STRN: variants seen among roughly 807,000 people sequenced by gnomAD.
STRN encodes the protein protein phosphatase 2 regulatory subunit B'''alpha.
In STRN, 53 loss-of-function variants were observed where a neutral mutation model predicts 96.3. The observed-to-expected ratio is 0.55, with a 90% CI of 0.44 to 0.69. STRN has a LOEUF of 0.69. Ranked by LOEUF, STRN falls within the 30% of genes least tolerant of loss-of-function variation. STRN has a pLI of 0.00. For missense variants in STRN, 987 were observed against 963.9 expected, an observed-to-expected ratio of 1.02 and a Z score of -0.32; for synonymous variants, 428 against 355.9, an observed-to-expected ratio of 1.20 and a Z score of -2.28.
chr2:36,915,232 AATATATATATAT>A (rs72466696), intron 3 of STRN, among the ~76,000 whole-genome samples: 1,142 of 86,482 alleles, frequency 0.013, 34 homozygotes, highest in African/African-American at 0.037. Flanking sequence ...TGAATACATA[AATATATATATAT>A]ATATATATAT....
rs1359165664 is a variant in STRN, at chr2:36,886,772, A to G, written c.986T>C (p.Ile329Thr). 1.2e-6 allele frequency: 2 copies of G among 1,613,360 alleles called. No individual in the cohort carries two copies. The highest frequency in any genetic ancestry group is 1.7e-6 in the Non-Finnish European group (2 of 1,179,696). The change falls in exon 8 of 18, where the codon ATT becomes ACT. Residue 329 changes from isoleucine (I) to threonine (T), a missense_variant. Transcript: ENST00000263918. ...PEAWNVDQGV[I>T]TKLKEQYKKE... ...TTTGTATTGTTCCTTGAGTTTGGTA[A>G]TTACTCCCTGGTCCACATTCCAGGC...
intron 15 of STRN, among the ~76,000 whole-genome samples, chr2:36,854,191 T>A (rs1487382299): frequency 6.6e-6 from 1 of 152,138 alleles, no homozygotes; most frequent in Non-Finnish European, 1.5e-5. Flanking sequence ...CCTTTCTAAT[T>A]TCATATTAGT....
At chr2:36,957,744 CT>C (rs1159531782) in intron 1 of STRN, among the ~76,000 whole-genome samples, 490 of 89,134 alleles carry the variant, frequency 5.5e-3, no homozygotes, top group Middle Eastern at 6.9e-3. Context: ...TTCTTTTTGT[CT>C]TTTTTTTTTT....
Position 36,902,728 on chromosome 2 carries a change from G to C in STRN, c.515C>G (p.Thr172Arg). 1 of 1,609,070 alleles carries C rather than the reference G, an allele frequency of 6.2e-7. No homozygotes were observed. Among genetic ancestry groups the C allele is most frequent in the Non-Finnish European group, 8.5e-7 (1 of 1,176,778 alleles). ...AGATTTCACATCTAGAATAGTATCTGTATAACCCACCTCCTGTAGATACCT... is the reference window on the plus strand; with the variant it reads ...AGATTTCACATCTAGAATAGTATCTCTATAACCCACCTCCTGTAGATACCT... ...LRQYLQEVGY[T>R]DTILDVKSKR... is the part of the protein sequence containing the mutation. Residue 172 changes from threonine (T) to arginine (R), a missense_variant, in exon 5 of 18, where the codon ACA (threonine) becomes AGA (arginine). By Grantham distance (71) the Thr-to-Arg change is moderately conservative (BLOSUM62 -1). Coordinates refer to ENST00000263918, the MANE Select transcript of STRN (RefSeq NM_003162.4).
chr2:36,909,941 G>A (rs1336171170), intron 3 of STRN, among the ~76,000 whole-genome samples: 6 of 152,150 alleles, frequency 3.9e-5, no homozygotes, highest in Non-Finnish European at 8.8e-5. Context: ...GGGAGGCCAA[G>A]GTGGGCAGAT....
chr2:36,945,360 A>G (rs1670953130), intron 1 of STRN, among the ~76,000 whole-genome samples: 1 of 152,212 alleles, frequency 6.6e-6, no homozygotes, highest in Non-Finnish European at 1.5e-5. Context: ...AAAAATACAT[A>G]ATGACTTTAT....
At chr2:36,859,572 A>G (rs1048119414) in intron 13 of STRN, among the ~76,000 whole-genome samples, 1 of 152,238 alleles carries the variant, frequency 6.6e-6, no homozygotes, top group Non-Finnish European at 1.5e-5. Context: ...CCTGTAGTCA[A>G]TCTGAAGCTT....
At position 36,899,565 on chromosome 2, in the gene STRN, A is replaced by T; in HGVS notation, c.753T>A (p.Asp251Glu). The change falls in exon 6 of 18, where the codon GAT becomes GAA. Residue 251 changes from aspartate (D) to glutamate (E), a missense_variant. By Grantham distance (45) the Asp-to-Glu change is conservative. Transcript: ENST00000263918. ...AADFSDEDED[D>E]DVDGREKSVI... ...CGCTTTTCTCTCTTCCATCAACATC[A>T]TCATCTTCATCTTCATCACTGAAAT... is the stretch of plus-strand genomic sequence containing the variant. 1 of 1,613,624 alleles carries T rather than the reference A, an allele frequency of 6.2e-7. No individual in the cohort carries two copies. Among genetic ancestry groups the T allele is most frequent in the Non-Finnish European group, 8.5e-7 (1 of 1,179,904 alleles).
At chr2:36,911,600 A>T (rs976272790) in intron 3 of STRN, among the ~76,000 whole-genome samples, 1 of 152,186 alleles carries the variant, frequency 6.6e-6, no homozygotes, top group African/African-American at 2.4e-5. Flanking sequence ...TTACAGAAAA[A>T]GTTTGCTGAC....
At chr2:36,921,881 A>G (rs1670268787) in intron 2 of STRN, among the ~76,000 whole-genome samples, 1 of 152,188 alleles carries the variant, frequency 6.6e-6, no homozygotes, top group East Asian at 1.9e-4. Context: ...TAACAACTAA[A>G]TGCAGTATAT....
In STRN at chr2:36,849,666, C is replaced by CATGAAA. The variant is rs1294939942; in HGVS notation, c.2173+42_2174-42dup. ...AAATTAAAAGGAAAAATTACATTAACATGAAAATGGTAAGGACAAATAAAT... is the reference window on the plus strand; with the variant it reads ...AAATTAAAAGGAAAAATTACATTAACATGAAAATGAAAATGGTAAGGACAAATAAAT... On this transcript the variant is annotated intron_variant, in intron 17 of 17. Coordinates refer to ENST00000263918, the MANE Select transcript of STRN (RefSeq NM_003162.4). The CATGAAA allele has an allele frequency of 2.5e-6, 4 of 1,612,418 alleles. No homozygotes were observed. The African/African-American group carries it at 4.0e-5, about 16-fold the overall frequency.
intron 6 of STRN, among the ~76,000 whole-genome samples, chr2:36,898,884 G>A (rs1300363913): frequency 6.6e-6 from 1 of 152,044 alleles, no homozygotes. Flanking sequence ...AGGAAGGAGA[G>A]AGAGAAGGGA....
At chr2:36,939,378 GTGA>G (rs562303889) in intron 1 of STRN, among the ~76,000 whole-genome samples, 458 of 152,086 alleles carry the variant, frequency 3.0e-3, no homozygotes, top group South Asian at 0.017. Context: ...TTAATTAGAC[GTGA>G]TGATAATATC....
Position 36,966,286 on chromosome 2 carries a change from A to G in STRN, c.178T>C (p.Trp60Arg). The change falls in exon 1 of 18, where the codon TGG (tryptophan) becomes CGG (arginine). Residue 60 changes from tryptophan (W) to arginine (R), a missense_variant. Coordinates refer to ENST00000263918, the MANE Select transcript of STRN (RefSeq NM_003162.4). ...PGILHFLQHEWARFEVERAQW... is the reference protein window; with the variant it reads ...PGILHFLQHERARFEVERAQW... ...GCTCTCTCCACCTCGAAGCGGGCCC[A>G]CTCGTGCTGCAGGAAGTGCAGGATC... The G allele has an allele frequency of 6.3e-7, 1 of 1,581,398 alleles. No homozygotes were observed. The highest frequency in any genetic ancestry group is 8.6e-7 in the Non-Finnish European group (1 of 1,166,354).
intron 4 of STRN, among the ~76,000 whole-genome samples, chr2:36,904,663 CA>C (rs1220777333): frequency 1.3e-5 from 2 of 151,892 alleles, no homozygotes; most frequent in Non-Finnish European, 2.9e-5. Context: ...CCCATCTCTA[CA>C]AAAATACAAA....
chr2:36,875,284 C>A (rs887282926), intron 10 of STRN, among the ~76,000 whole-genome samples: 13 of 151,938 alleles, frequency 8.6e-5, no homozygotes, highest in Non-Finnish European at 5.9e-5. Flanking sequence ...CTGAGGTGGG[C>A]AGACTGCTTG....
At chr2:36,858,149 T>C in intron 13 of STRN, 126 bp from the exon 14 acceptor site, 1 of 668,720 alleles carries the variant, frequency 1.5e-6, no homozygotes, top group Non-Finnish European at 2.2e-6. Flanking sequence ...TCTTGGTTTC[T>C]ATTATTCTTC....
At chr2:36,895,100 G>C (rs1210763671) in intron 6 of STRN, among the ~76,000 whole-genome samples, 1 of 152,084 alleles carries the variant, frequency 6.6e-6, no homozygotes, top group Non-Finnish European at 1.5e-5. Context: ...GGCCGAGGTG[G>C]GTGGATCAAG....
intron 12 of STRN, among the ~76,000 whole-genome samples, chr2:36,861,490 A>G (rs899097517): frequency 1.2e-4 from 19 of 152,328 alleles, no homozygotes; most frequent in African/African-American, 4.3e-4. Context: ...ACAGTCCTCA[A>G]GCTAAGAATG....
Sources: gnomAD v4.1 joint callset for allele counts (sites outside exome capture counted in the v4.1 genomes callset) on GRCh38, gnomAD v4.1.1 for gene constraint, MANE v1.5 for transcripts, NCBI Gene and HGNC (gene_info 2026-07-23, HGNC 2026-07-21) for gene names.